The following AAK1 variants were observed in gnomAD, a reference collection of about 807,000 sequenced individuals.
The protein encoded by AAK1 is AP2-associated protein kinase 1.
In AAK1, 37 loss-of-function variants were observed where a neutral mutation model predicts 116.0. That is an observed-to-expected ratio of 0.32 (90% CI 0.25 to 0.42). AAK1 has a LOEUF of 0.42. AAK1 is among the 10% of genes least tolerant of loss of function. The pLI, the probability that AAK1 is intolerant of heterozygous loss-of-function variation, is 1.00. For missense variants in AAK1, 919 were observed against 1,170.6 expected (o/e 0.79, Z 3.14); for synonymous variants, 458 against 439.9 (o/e 1.04, Z -0.51).
intron 5 of AAK1, among the ~76,000 whole-genome samples, chr2:69,538,028 C>T (rs1258485799): frequency 6.6e-6 from 1 of 152,244 alleles, no homozygotes; most frequent in Non-Finnish European, 1.5e-5. Flanking sequence ...ATACAATCAG[C>T]TCTCCTTATC....
intron 2 of AAK1, among the ~76,000 whole-genome samples, chr2:69,633,644 G>A (rs1675314931): frequency 6.6e-6 from 1 of 150,456 alleles, no homozygotes; most frequent in Non-Finnish European, 1.5e-5. Flanking sequence ...CCAGAAGAGG[G>A]CCCTGACTAG....
chr2:69,488,696 C>T (rs1675399299), intron 17 of AAK1, among the ~76,000 whole-genome samples: 1 of 152,104 alleles, frequency 6.6e-6, no homozygotes, highest in African/African-American at 2.4e-5. Flanking sequence ...GGTCAAGTTC[C>T]ATATTTTACT....
At chr2:69,632,775 T>C (rs925327379) in intron 2 of AAK1, among the ~76,000 whole-genome samples, 7 of 151,584 alleles carry the variant, frequency 4.6e-5, no homozygotes, top group Non-Finnish European at 1.0e-4. Flanking sequence ...GGCTTACGCC[T>C]GTAATCCCAG....
At chr2:69,636,294 T>C (rs1675443560) in intron 2 of AAK1, among the ~76,000 whole-genome samples, 1 of 152,186 alleles carries the variant, frequency 6.6e-6, no homozygotes, top group Non-Finnish European at 1.5e-5. Flanking sequence ...TCTTCATACA[T>C]AGTCACACTG....
chr2:69,598,671 C>T (rs1192755303), intron 2 of AAK1, among the ~76,000 whole-genome samples: 1 of 152,074 alleles, frequency 6.6e-6, no homozygotes, highest in Non-Finnish European at 1.5e-5. Flanking sequence ...AGGTGCACAA[C>T]ACCACACCCA....
chr2:69,564,449 G>A (rs1280788737), intron 2 of AAK1, among the ~76,000 whole-genome samples: 1 of 151,790 alleles, frequency 6.6e-6, no homozygotes, highest in Non-Finnish European at 1.5e-5. Context: ...TGCTACAAAG[G>A]AGAGAAAAAT....
At chr2:69,568,783 C>T (rs564109298) in intron 2 of AAK1, among the ~76,000 whole-genome samples, 15 of 152,264 alleles carry the variant, frequency 9.9e-5, no homozygotes, top group Admixed American at 2.6e-4. Flanking sequence ...GTTTTCTTAG[C>T]TCCCAACCAT....
At position 69,466,413 on chromosome 2, in the gene AAK1, T is replaced by A. The variant is rs1390676528; in HGVS notation, c.*9456A>T. Reference sequence around the variant, plus strand: ...TGAAGGGCCATCTCTGGCCAAGTAGTCAGATTCTAAGTTGTTCTGAGTCTT... The same window carrying A: ...TGAAGGGCCATCTCTGGCCAAGTAGACAGATTCTAAGTTGTTCTGAGTCTT... On this transcript the variant is annotated 3_prime_UTR_variant, in exon 22 of 22. Coordinates refer to ENST00000409085, the MANE Select transcript of AAK1 (RefSeq NM_014911.5). The A allele has an allele frequency of 1.6e-6, 2 of 1,289,852 alleles. No homozygotes were observed. Among genetic ancestry groups the A allele is most frequent in the Non-Finnish European group, 2.0e-6 (2 of 988,874 alleles). 79.9% of individuals were successfully genotyped at this position (1,289,852 alleles called of 1,614,324 possible). A position where few individuals can be genotyped will look rare whatever the true frequency, so the allele number is the denominator to read the frequency against.
chr2:69,588,454 A>G (rs1244135938), intron 2 of AAK1, among the ~76,000 whole-genome samples: 1 of 152,138 alleles, frequency 6.6e-6, no homozygotes, highest in Non-Finnish European at 1.5e-5. Flanking sequence ...AGAAGAGTAA[A>G]CCCATTCCCT....
chr2:69,569,098 C>A (rs1671992475), intron 2 of AAK1, among the ~76,000 whole-genome samples: 1 of 152,208 alleles, frequency 6.6e-6, no homozygotes, highest in South Asian at 2.1e-4. Flanking sequence ...TTCTGTGCCT[C>A]CAGTCTCTTT....
rs572886329 is a variant in AAK1 at position 69,471,630 on chromosome 2, T to C, written c.*4239A>G. ...GTTAGTGGCTATGGGAGCCTGATAA[T>C]CTTGCAGACAGAGAAGGTTAAGGAC... is the stretch of plus-strand genomic sequence containing the variant. On this transcript the variant is annotated 3_prime_UTR_variant, in exon 22 of 22. Coordinates refer to ENST00000409085, the MANE Select transcript of AAK1 (RefSeq NM_014911.5). The C allele has an allele frequency of 7.1e-6, 7 of 985,384 alleles. No individual in the cohort carries two copies. In the South Asian group the frequency reaches 2.8e-4, roughly 40 times the overall value. The allele number at this position is 985,384 out of a possible 1,614,324, so 61.0% of individuals were successfully genotyped here.
chr2:69,518,482 C>T (rs1347482186), intron 12 of AAK1, among the ~76,000 whole-genome samples: 9 of 149,300 alleles, frequency 6.0e-5, no homozygotes, highest in Non-Finnish European at 1.0e-4. Context: ...TGCAATGGCA[C>T]GATCTCGGCT....
chr2:69,493,406 C>G (rs1675618743), intron 17 of AAK1, among the ~76,000 whole-genome samples: 1 of 151,986 alleles, frequency 6.6e-6, no homozygotes, highest in East Asian at 1.9e-4. Context: ...CCTTTATTCA[C>G]TCTCAAAGAG....
intron 2 of AAK1, among the ~76,000 whole-genome samples, chr2:69,631,535 G>C (rs1405062709): frequency 6.6e-6 from 1 of 152,192 alleles, no homozygotes; most frequent in Non-Finnish European, 1.5e-5. Context: ...GGTTAACACA[G>C]AGCCCAAGGA....
At chr2:69,574,028 C>A (rs1672197002) in intron 2 of AAK1, among the ~76,000 whole-genome samples, 1 of 150,736 alleles carries the variant, frequency 6.6e-6, no homozygotes, top group African/African-American at 2.4e-5. Flanking sequence ...AAAGTCAAGA[C>A]AAAAAAACTA....
intron 2 of AAK1, among the ~76,000 whole-genome samples, chr2:69,578,976 T>C (rs962259232): frequency 3.3e-5 from 5 of 152,226 alleles, no homozygotes; most frequent in Admixed American, 6.5e-5. Flanking sequence ...GCTAATTTTT[T>C]TGTGTTTTTA....
At chr2:69,579,043 T>C (rs1272501621) in intron 2 of AAK1, among the ~76,000 whole-genome samples, 1 of 152,102 alleles carries the variant, frequency 6.6e-6, no homozygotes, top group Non-Finnish European at 1.5e-5. Context: ...TGACCTCGTC[T>C]TTACCTCTTT....
At chr2:69,499,707 G>A (rs1416559991) in intron 16 of AAK1, among the ~76,000 whole-genome samples, 1 of 152,060 alleles carries the variant, frequency 6.6e-6, no homozygotes, top group East Asian at 1.9e-4. Flanking sequence ...TTAAGTCCTT[G>A]AAATATTTTA....
intron 17 of AAK1, among the ~76,000 whole-genome samples, chr2:69,485,513 G>A (rs953327268): frequency 4.6e-5 from 7 of 152,026 alleles, no homozygotes; most frequent in Non-Finnish European, 7.3e-5. Context: ...CAATTCTCTC[G>A]CAGCCCTTAA....
Sources: gnomAD v4.1 joint callset for allele counts (sites outside exome capture counted in the v4.1 genomes callset) on GRCh38, gnomAD v4.1.1 for gene constraint, MANE v1.5 for transcripts, NCBI Gene and HGNC (gene_info 2026-07-23, HGNC 2026-07-21) for gene names.